Variants in CNN3 observed in about 807,000 individuals in gnomAD.
CNN3 encodes the protein calponin 3, also known as calponin-3.
A neutral mutation model predicts 39.0 loss-of-function variants in CNN3; 11 were observed. The observed-to-expected ratio is 0.28, with a 90% CI of 0.18 to 0.47. The LOEUF (loss-of-function observed/expected upper bound fraction) is 0.47, where lower values mean the gene tolerates loss of function less well. Ranked by LOEUF, CNN3 falls within the 20% of genes least tolerant of loss-of-function variation. CNN3 has a pLI of 0.99. For synonymous variants in CNN3, 101 were observed against 138.3 expected (o/e 0.73, Z 1.89); for missense variants, 266 against 403.4 (o/e 0.66, Z 2.92).
intron 1 of CNN3, among the ~76,000 whole-genome samples, chr1:94,911,171 G>A (rs1671152405): frequency 2.0e-5 from 3 of 152,236 alleles, no homozygotes; most frequent in Admixed American, 2.0e-4. Context: ...AAGATAGAAT[G>A]CATGCTTTTC....
Position 94,897,544 on chromosome 1 carries a change from A to T in CNN3, c.*198T>A. The T allele has an allele frequency of 1.8e-6, 1 of 560,132 alleles. No homozygotes were observed. Among genetic ancestry groups the T allele is most frequent in the Non-Finnish European group, 3.2e-6 (1 of 315,832 alleles). The allele number at this position is 560,132 out of a possible 1,614,324, so 34.7% of individuals were successfully genotyped here. On this transcript the variant is annotated 3_prime_UTR_variant, in exon 7 of 7. Transcript: ENST00000370206. ...AGTTATTGATTATGCTGTAGGATTT[A>T]ACTATTACAGCACTAAAAGGCAACT... is the stretch of plus-strand genomic sequence containing the variant.
chr1:94,922,383 G>A (rs767001685), intron 1 of CNN3, among the ~76,000 whole-genome samples: 43 of 152,162 alleles, frequency 2.8e-4, no homozygotes, highest in Non-Finnish European at 5.1e-4. Context: ...ATCTATTCCC[G>A]ATGAATAAAT....
intron 6 of CNN3, 150 bp from the exon 7 acceptor site, chr1:94,898,233 C>G (rs1670774471): frequency 1.4e-6 from 1 of 732,990 alleles, no homozygotes; most frequent in African/African-American, 1.8e-5. Flanking sequence ...ACCAAAATAT[C>G]CTGATACCGA....
At chr1:94,909,334 T>C (rs1357541206) in intron 1 of CNN3, among the ~76,000 whole-genome samples, 4 of 152,136 alleles carry the variant, frequency 2.6e-5, no homozygotes, top group Admixed American at 2.6e-4. Context: ...AAAATCTTAT[T>C]CCTTTGTACT....
intron 3 of CNN3, 69 bp downstream of exon 3, chr1:94,903,053 C>A (rs1670909485): frequency 5.0e-6 from 6 of 1,206,754 alleles, no homozygotes; most frequent in Non-Finnish European, 6.7e-6. Flanking sequence ...AAAAACCAAA[C>A]CTGAAATCAA....
intron 1 of CNN3, among the ~76,000 whole-genome samples, chr1:94,918,521 G>A (rs1386915123): frequency 1.8e-4 from 24 of 130,956 alleles, no homozygotes; most frequent in African/African-American, 3.2e-4. Flanking sequence ...AAAAAAAAAA[G>A]TCGGCAAGGG....
intron 5 of CNN3, among the ~76,000 whole-genome samples, chr1:94,901,402 TA>T (rs145821505): frequency 4.0e-5 from 6 of 148,696 alleles, no homozygotes; most frequent in African/African-American, 1.2e-4. Context: ...TTTTCTTTTT[TA>T]AAAAAAAAAA....
intron 1 of CNN3, among the ~76,000 whole-genome samples, chr1:94,919,529 T>G (rs886177313): frequency 2.6e-5 from 4 of 152,178 alleles, no homozygotes; most frequent in Non-Finnish European, 5.9e-5. Flanking sequence ...AATTGTGCAC[T>G]AATGAAGCAC....
At chr1:94,914,825 T>C (rs1288542109) in intron 1 of CNN3, among the ~76,000 whole-genome samples, 1 of 152,084 alleles carries the variant, frequency 6.6e-6, no homozygotes, top group Middle Eastern at 3.2e-3. Context: ...CACCATTTTT[T>C]CCCCAATGAA....
rs1045336720 is a variant in CNN3, at chr1:94,926,145, C to G, written c.57+693G>C. On this transcript the variant is annotated intron_variant, in intron 1 of 6. Coordinates refer to ENST00000370206, the MANE Select transcript of CNN3 (RefSeq NM_001839.5). This position sits in a 1 kb window ranked among gnomAD's most constrained non-coding sequence, Gnocchi z 4.2. ...TGAAAGTCTAATGTACTTCAAACTT[C>G]TCAGTGTTTCATAAAAAGTCTCAAG... Among the ~76,000 whole-genome samples, 2 of 152,364 alleles carry G rather than the reference C, an allele frequency of 1.3e-5. No individual in the cohort carries two copies. The highest frequency in any genetic ancestry group is 2.4e-5 in the African/African-American group (1 of 41,588).
intron 3 of CNN3, 117 bp from the exon 4 acceptor site, chr1:94,902,375 G>C (rs1571517558): frequency 1.2e-6 from 1 of 830,972 alleles, no homozygotes; most frequent in African/African-American, 1.7e-5. Context: ...TGTTTGACAA[G>C]GATTCAACCA....
At chr1:94,904,352 A>G (rs993113429) in intron 1 of CNN3, among the ~76,000 whole-genome samples, 4 of 152,204 alleles carry the variant, frequency 2.6e-5, no homozygotes, top group Non-Finnish European at 5.9e-5. Context: ...AATTGAAAAA[A>G]TAAAATTTAA....
At chr1:94,916,103 G>GT (rs1170623826) in intron 1 of CNN3, among the ~76,000 whole-genome samples, 1 of 151,996 alleles carries the variant, frequency 6.6e-6, no homozygotes, top group Non-Finnish European at 1.5e-5. Flanking sequence ...ACACTGTCCT[G>GT]TTTGTCATTT....
chr1:94,912,449 G>A, intron 1 of CNN3, among the ~76,000 whole-genome samples: 1 of 152,216 alleles, frequency 6.6e-6, no homozygotes, highest in East Asian at 1.9e-4. Flanking sequence ...ATTACTGGCT[G>A]AAGAGCCCGG....
intron 1 of CNN3, among the ~76,000 whole-genome samples, chr1:94,911,148 G>A (rs1388918076): frequency 6.6e-6 from 1 of 152,142 alleles, no homozygotes; most frequent in Non-Finnish European, 1.5e-5. Flanking sequence ...TTTACATTTG[G>A]GACAGTGATG....
In CNN3 at chr1:94,903,684, T is replaced by C. The variant is rs1442682039; in HGVS notation, c.58-160A>G. Among the ~76,000 whole-genome samples, 3 of 151,350 alleles carry C rather than the reference T, an allele frequency of 2.0e-5. No homozygotes were observed. In the East Asian group the frequency reaches 5.8e-4, roughly 29 times the overall value. ...AATGGCAAACTTAACCGTTACAACT[T>C]CAGTAACTAATAACAAATTTTTGGT... On this transcript the variant is annotated intron_variant, in intron 1 of 6. Coordinates refer to ENST00000370206, the MANE Select transcript of CNN3 (RefSeq NM_001839.5).
At chr1:94,914,526 A>G (rs1231027356) in intron 1 of CNN3, among the ~76,000 whole-genome samples, 1 of 152,090 alleles carries the variant, frequency 6.6e-6, no homozygotes, top group African/African-American at 2.4e-5. Flanking sequence ...TCGAAACACC[A>G]CGCGGCTCCT....
chr1:94,897,657 A>G lies in CNN3; in HGVS notation c.*85T>C. On this transcript the variant is annotated 3_prime_UTR_variant, in exon 7 of 7. Coordinates refer to ENST00000370206, the MANE Select transcript of CNN3 (RefSeq NM_001839.5). Reference sequence around the variant, plus strand: ...CAATAAGCTTAATAGTGTTTTAGGAAGACAAGATAAAAATTACTCAAGGCT... The same window carrying G: ...CAATAAGCTTAATAGTGTTTTAGGAGGACAAGATAAAAATTACTCAAGGCT... 1 of 1,246,852 alleles carries G rather than the reference A, an allele frequency of 8.0e-7. No individual in the cohort carries two copies. The highest frequency in any genetic ancestry group is 1.1e-6 in the Non-Finnish European group (1 of 882,862). 77.2% of individuals were successfully genotyped at this position (1,246,852 alleles called of 1,614,324 possible). A position where few individuals can be genotyped will look rare whatever the true frequency, so the allele number is the denominator to read the frequency against.
intron 1 of CNN3, among the ~76,000 whole-genome samples, chr1:94,923,983 C>T (rs369233969): frequency 5.1e-4 from 78 of 152,228 alleles, no homozygotes; most frequent in African/African-American, 1.7e-3. Flanking sequence ...CTAGAACTCA[C>T]ATATGCTAGA....
Sources: gnomAD v4.1 joint callset for allele counts (sites outside exome capture counted in the v4.1 genomes callset) on GRCh38, gnomAD v4.1.1 for gene constraint, Gnocchi (gnomAD v3.1) non-coding constraint, MANE v1.5 for transcripts, NCBI Gene and HGNC (gene_info 2026-07-23, HGNC 2026-07-21) for gene names.